MLLT10: variants seen among roughly 807,000 people sequenced by gnomAD.
MLLT10 encodes the protein protein AF-10.
MLLT10 carries 30 observed loss-of-function variants against 129.1 expected under a neutral mutation model. That is an observed-to-expected ratio of 0.23 (90% CI 0.17 to 0.32). The LOEUF (loss-of-function observed/expected upper bound fraction) is 0.32, where lower values mean the gene tolerates loss of function less well. MLLT10 is among the 10% of genes least tolerant of loss of function. The probability of loss-of-function intolerance (pLI) is 1.00; values close to 1 mark genes in which losing one functional copy is unlikely to be tolerated. For missense variants in MLLT10, 1,119 were observed against 1,268.3 expected, an observed-to-expected ratio of 0.88 and a Z score of 1.79; for synonymous variants, 490 against 446.4, an observed-to-expected ratio of 1.10 and a Z score of -1.23.
At chr10:21,625,658 A>C (rs1038679311) in intron 8 of MLLT10, 1 of 762,518 alleles carries the variant, frequency 1.3e-6, no homozygotes, top group African/African-American at 1.7e-5. Context: ...GAATTCTTCC[A>C]GAGTGTTTTC....
intron 8 of MLLT10, chr10:21,625,726 C>A: frequency 1.3e-6 from 1 of 768,500 alleles, no homozygotes; most frequent in South Asian, 1.3e-5. Flanking sequence ...CACAGAAATG[C>A]GCACTCCATG....
chr10:21,575,945 G>A (rs1212985257), intron 3 of MLLT10, among the ~76,000 whole-genome samples: 7 of 151,530 alleles, frequency 4.6e-5, no homozygotes, highest in African/African-American at 9.7e-5. Flanking sequence ...TTTTTTTTAT[G>A]AGATGAGGTT....
At chr10:21,579,251 C>T (rs1461592574) in intron 3 of MLLT10, among the ~76,000 whole-genome samples, 1 of 152,172 alleles carries the variant, frequency 6.6e-6, no homozygotes, top group African/African-American at 2.4e-5. Flanking sequence ...CCTCTGCCCT[C>T]TGTGTAATGT....
rs149483074 is a variant in MLLT10, at chr10:21,552,336, GT to G, written c.240+13432del. Reference sequence around the variant, plus strand: ...TGTTCTGTATTTCAGCTTTCCTTGTGTTTTTTTTCTTCTAAGACTATAAGAC... The same window carrying G: ...TGTTCTGTATTTCAGCTTTCCTTGTGTTTTTTTCTTCTAAGACTATAAGAC... On this transcript the variant is annotated intron_variant, in intron 3 of 22. Coordinates refer to ENST00000307729, the MANE Select transcript of MLLT10 (RefSeq NM_001195626.3). 6.3e-5 allele frequency among the ~76,000 whole-genome samples: 8 copies of G among 127,650 alleles called. No individual in the cohort carries two copies. In the South Asian group the frequency reaches 7.8e-4, roughly 13 times the overall value. The allele number at this position is 127,650 out of a possible 152,430, so 83.7% of individuals were successfully genotyped here.
chr10:21,677,668 A>G (rs541199543), intron 11 of MLLT10, among the ~76,000 whole-genome samples: 6 of 152,362 alleles, frequency 3.9e-5, no homozygotes, highest in Admixed American at 6.5e-5. Flanking sequence ...AATATTTTCT[A>G]TACAAGGGTG....
At chr10:21,714,744 C>G (rs1284121215) in intron 14 of MLLT10, among the ~76,000 whole-genome samples, 1 of 152,212 alleles carries the variant, frequency 6.6e-6, no homozygotes, top group Non-Finnish European at 1.5e-5. Context: ...GTTGGCCAGG[C>G]TGGTCTTCAA....
In MLLT10 at chr10:21,681,327, A is replaced by T; in HGVS notation, c.1622-5A>T. On this transcript the variant is annotated splice_polypyrimidine_tract_variant and splice_region_variant and intron_variant, in intron 11 of 22. Transcript: ENST00000307729. ...ACTGATTTCCTTTTTCCTTCCTCTC[A>T]ACAGAAATTTCCATGCAGTATCGGC... The T allele has an allele frequency of 6.2e-7, 1 of 1,612,130 alleles. No individual in the cohort carries two copies. The highest frequency in any genetic ancestry group is 8.5e-7 in the Non-Finnish European group (1 of 1,179,542).
At chr10:21,740,434 A>T (rs1039425289) in intron 22 of MLLT10, among the ~76,000 whole-genome samples, 198 bp downstream of exon 22, 2 of 152,204 alleles carry the variant, frequency 1.3e-5, no homozygotes, top group African/African-American at 4.8e-5. Flanking sequence ...TTTGCACATT[A>T]GGTTTGAAGG....
intron 8 of MLLT10, chr10:21,624,595 C>T (rs2046241363): frequency 1.2e-5 from 16 of 1,370,902 alleles, no homozygotes; most frequent in African/African-American, 1.5e-5. Context: ...TTGTCTGCTT[C>T]CACTGTTGCC....
At chr10:21,636,360 C>A (rs1378740582) in intron 8 of MLLT10, among the ~76,000 whole-genome samples, 1 of 152,124 alleles carries the variant, frequency 6.6e-6, no homozygotes, top group Non-Finnish European at 1.5e-5. Flanking sequence ...TGGGCTCAAG[C>A]TATCCTTCTC....
At chr10:21,679,993 C>G (rs1423149958) in intron 11 of MLLT10, among the ~76,000 whole-genome samples, 2 of 152,096 alleles carry the variant, frequency 1.3e-5, no homozygotes, top group African/African-American at 2.4e-5. Context: ...TTAGCAAACC[C>G]AGGTCCTTTG....
intron 9 of MLLT10, among the ~76,000 whole-genome samples, chr10:21,663,896 C>T (rs577681934): frequency 6.6e-6 from 1 of 152,212 alleles, no homozygotes; most frequent in East Asian, 1.9e-4. Flanking sequence ...TCTCAATTCA[C>T]TGATATAAGA....
At chr10:21,636,126 T>G (rs1008578966) in intron 8 of MLLT10, among the ~76,000 whole-genome samples, 2 of 152,012 alleles carry the variant, frequency 1.3e-5, no homozygotes, top group Non-Finnish European at 2.9e-5. Context: ...GTTTTGTTGT[T>G]GTTGTTGTTT....
rs530235993 is a variant in MLLT10, at chr10:21,539,499, T to C, written c.240+587T>C. Among the ~76,000 whole-genome samples, 5 of 148,706 alleles carry C rather than the reference T, an allele frequency of 3.4e-5. No homozygotes were observed. The East Asian group carries it at 5.9e-4, about 18-fold the overall frequency. ...TTATAAGAATGAAGGAGGTGCCGGG[T>C]GCAGTGGTTCACACCTGTAATCCCA... On this transcript the variant is annotated intron_variant, in intron 3 of 22. Transcript: ENST00000307729.
intron 3 of MLLT10, among the ~76,000 whole-genome samples, chr10:21,539,472 T>A (rs931403577): frequency 1.3e-5 from 2 of 150,454 alleles, no homozygotes; most frequent in Admixed American, 1.3e-4. Context: ...TTTCTAAACC[T>A]CTTATAAGAA....
chr10:21,615,475 G>GA (rs796530703), intron 7 of MLLT10, among the ~76,000 whole-genome samples: 76 of 104,300 alleles, frequency 7.3e-4, no homozygotes, highest in East Asian at 2.8e-3. Context: ...AAAAAAAAAA[G>GA]AAAAAAAAAA....
chr10:21,542,011 G>T (rs1014869638), intron 3 of MLLT10, among the ~76,000 whole-genome samples: 7 of 152,080 alleles, frequency 4.6e-5, no homozygotes, highest in Non-Finnish European at 1.0e-4. Context: ...GGTTTGTGGT[G>T]AATAGGTCAC....
At chr10:21,662,127 T>G (rs972922334) in intron 9 of MLLT10, among the ~76,000 whole-genome samples, 2 of 152,204 alleles carry the variant, frequency 1.3e-5, no homozygotes, top group African/African-American at 4.8e-5. Flanking sequence ...GTGGGTAAGG[T>G]GTTTTCTTCT....
rs2051723282 is a variant in MLLT10, at chr10:21,673,476, C to T, written c.1178C>T (p.Ser393Leu). 6.2e-6 allele frequency: 10 copies of T among 1,613,900 alleles called. No individual in the cohort carries two copies. Among genetic ancestry groups the T allele is most frequent in the Non-Finnish European group, 7.6e-6 (9 of 1,179,970 alleles). Reference protein sequence around the residue: ...RNDSYSHSQQSSATKDVHKGE... With the variant: ...RNDSYSHSQQLSATKDVHKGE... ...GACAGTTACTCTCACTCCCAACAGT[C>T]ATCAGCAACCAAAGATGTACATAAA... is the stretch of plus-strand genomic sequence containing the variant. The change falls in exon 11 of 23, where the codon TCA (serine) becomes TTA (leucine). Residue 393 changes from serine (S) to leucine (L), a missense_variant. Around this residue, in one of 5 missense-constraint regions of MLLT10, gnomAD observed 1,004 missense variants for 1,008.7 expected, o/e 1.00. Transcript: ENST00000307729.
Sources: allele counts gnomAD v4.1 joint callset (sites outside exome capture counted in the v4.1 genomes callset), GRCh38; gene constraint gnomAD v4.1.1; regional missense constraint gnomAD v4.1.1; transcripts MANE v1.5; gene names NCBI Gene and HGNC (gene_info 2026-07-23, HGNC 2026-07-21).